Variants in RRBP1 observed in about 807,000 individuals in gnomAD.
RRBP1 encodes the protein ribosome-binding protein 1.
In RRBP1, 94 loss-of-function variants were observed where a neutral mutation model predicts 165.2. The ratio of observed to expected loss-of-function variants is 0.57; its 90% CI spans 0.48 to 0.68. The LOEUF (loss-of-function observed/expected upper bound fraction) is 0.68. Ranked by LOEUF, RRBP1 falls within the 30% of genes least tolerant of loss-of-function variation. RRBP1 has a pLI of 0.00. For missense variants in RRBP1, 1,676 were observed against 1,763.0 expected, an observed-to-expected ratio of 0.95 and a Z score of 0.88; for synonymous variants, 680 against 714.5, an observed-to-expected ratio of 0.95 and a Z score of 0.77.
intron 11 of RRBP1, among the ~76,000 whole-genome samples, chr20:17,626,040 A>C (rs994713744): frequency 2.6e-5 from 4 of 152,200 alleles, no homozygotes; most frequent in African/African-American, 9.6e-5. Context: ...ACACACTGAC[A>C]ATCACACCCT....
chr20:17,667,146 C>T (rs1453735369), intron 2 of RRBP1, among the ~76,000 whole-genome samples: 2 of 152,122 alleles, frequency 1.3e-5, no homozygotes, highest in African/African-American at 4.8e-5. Flanking sequence ...ATTCCTTTTC[C>T]CCTATTCTTT....
In RRBP1 at chr20:17,643,805, C is replaced by T. The variant is rs909946569; in HGVS notation, c.1913-678G>A. Among the ~76,000 whole-genome samples the T allele has an allele frequency of 6.6e-6, 1 of 152,194 alleles. No homozygotes were observed. The highest frequency in any genetic ancestry group is 2.4e-5 in the African/African-American group (1 of 41,444). ...AGTCCATGAGTGACTGCCTGGAGGA[C>T]AGGGAGCCATCTGCCAACAAACGTC... On this transcript the variant is annotated intron_variant, in intron 3 of 24. Transcript: ENST00000377813. The surrounding 1 kb of genome is among the most constrained non-coding windows in gnomAD (Gnocchi z 4.3).
chr20:17,670,870 G>A (rs13044391), intron 2 of RRBP1, among the ~76,000 whole-genome samples: 4,594 of 152,158 alleles, frequency 0.03, 97 homozygotes, highest in Non-Finnish European at 0.048. Flanking sequence ...GGTGTCTTAC[G>A]CATTCCGCAA....
chr20:17,621,625 G>A, intron 15 of RRBP1, 65 bp downstream of exon 15: 1 of 1,592,586 alleles, frequency 6.3e-7, no homozygotes, highest in East Asian at 2.2e-5. Flanking sequence ...AATGACTTGG[G>A]GCAGCCCCTC....
At chr20:17,652,219 G>A (rs1262189969) in intron 3 of RRBP1, among the ~76,000 whole-genome samples, 1 of 152,230 alleles carries the variant, frequency 6.6e-6, no homozygotes, top group Non-Finnish European at 1.5e-5. Context: ...TTTCTGCTCT[G>A]ACTGAGATGA....
intron 11 of RRBP1, among the ~76,000 whole-genome samples, chr20:17,626,948 C>T (rs1055365174): frequency 1.3e-5 from 2 of 152,186 alleles, no homozygotes; most frequent in African/African-American, 4.8e-5. Flanking sequence ...AGCCTGGGTT[C>T]GCCATTCTGG....
At chr20:17,661,805 T>G (rs966104335) in intron 2 of RRBP1, among the ~76,000 whole-genome samples, 2 of 152,140 alleles carry the variant, frequency 1.3e-5, no homozygotes, top group African/African-American at 4.8e-5. Context: ...GTGGCTCAGA[T>G]ACTGAGATTC....
chr20:17,616,210 A>C (rs1267229751), intron 21 of RRBP1, among the ~76,000 whole-genome samples: 2 of 152,042 alleles, frequency 1.3e-5, no homozygotes, highest in African/African-American at 4.8e-5. Context: ...GGCCTCTGCA[A>C]CCTCAGGGGC....
At chr20:17,681,268 G>C (rs1456100289) in intron 1 of RRBP1, among the ~76,000 whole-genome samples, 2 of 148,310 alleles carry the variant, frequency 1.3e-5, no homozygotes, top group African/African-American at 4.9e-5. Flanking sequence ...GCTCCGCGCA[G>C]CCCAGCCGGG....
intron 3 of RRBP1, among the ~76,000 whole-genome samples, chr20:17,654,397 T>A (rs907245159): frequency 1.1e-4 from 16 of 152,226 alleles, no homozygotes; most frequent in African/African-American, 3.9e-4. Context: ...CATTAAGGAC[T>A]TACGGGTTTT....
intron 18 of RRBP1, 36 bp downstream of exon 18, chr20:17,620,263 G>A: frequency 1.3e-6 from 2 of 1,528,612 alleles, no homozygotes; most frequent in Non-Finnish European, 1.8e-6. Flanking sequence ...GAGGCTCCCG[G>A]GACAAGAGAA....
At chr20:17,624,144 C>G (rs1362282833) in intron 13 of RRBP1, among the ~76,000 whole-genome samples, 1 of 152,214 alleles carries the variant, frequency 6.6e-6, no homozygotes, top group African/African-American at 2.4e-5. Context: ...AAGGGGGCAC[C>G]CCCATCCCTC....
chr20:17,647,276 G>A (rs1021822902), intron 3 of RRBP1, among the ~76,000 whole-genome samples: 2 of 152,250 alleles, frequency 1.3e-5, no homozygotes, highest in African/African-American at 4.8e-5. Flanking sequence ...GCAGAAGAGT[G>A]ACACAAGGGG....
intron 5 of RRBP1, among the ~76,000 whole-genome samples, chr20:17,640,032 T>C (rs1272603816): frequency 6.6e-6 from 1 of 151,934 alleles, no homozygotes; most frequent in Non-Finnish European, 1.5e-5. Context: ...GAAGACAATG[T>C]AAAATACTCA....
At chr20:17,663,160 G>A (rs751189031) in intron 2 of RRBP1, among the ~76,000 whole-genome samples, 5 of 152,152 alleles carry the variant, frequency 3.3e-5, no homozygotes, top group African/African-American at 9.7e-5. Flanking sequence ...ACCGAGTCGC[G>A]ATTGGCACTG....
At position 17,644,711 on chromosome 20, in the gene RRBP1, A is replaced by G. The variant is rs570484809; in HGVS notation, c.1913-1584T>C. Among the ~76,000 whole-genome samples, 218 of 152,356 alleles carry G rather than the reference A, an allele frequency of 1.4e-3. 1 individual carries two copies. The highest frequency in any genetic ancestry group is 8.8e-4 in the Non-Finnish European group (60 of 68,022). On this transcript the variant is annotated intron_variant, in intron 3 of 24. Transcript: ENST00000377813. Reference sequence around the variant, plus strand: ...TGCTGGGCACCAGCCATGTGTGGCTACTGGGCACCTGCAACGTGGCTGGCC... The same window carrying G: ...TGCTGGGCACCAGCCATGTGTGGCTGCTGGGCACCTGCAACGTGGCTGGCC...
intron 20 of RRBP1, 140 bp from the exon 21 acceptor site, chr20:17,616,979 G>C: frequency 1.3e-6 from 1 of 749,362 alleles, no homozygotes; most frequent in Non-Finnish European, 2.2e-6. Context: ...TGGTAACTGT[G>C]ACCTATGTCT....
In RRBP1 at chr20:17,621,441, A is replaced by G. The variant is rs748040745; in HGVS notation, c.3414+17T>C. ...AGCCTCCCAGGGATGCCCAGCTGAC[A>G]GGTTCCCAATGCTCACCGTCTCCGC... On this transcript the variant is annotated intron_variant, in intron 16 of 24. Coordinates refer to ENST00000377813, the MANE Select transcript of RRBP1 (RefSeq NM_001365613.2). The G allele has an allele frequency of 1.2e-6, 2 of 1,600,504 alleles. No individual in the cohort carries two copies. The highest frequency in any genetic ancestry group is 1.7e-5 in the Admixed American group (1 of 59,956).
chr20:17,618,479 C>T (rs569613104), intron 20 of RRBP1, 117 bp downstream of exon 20: 2 of 862,634 alleles, frequency 2.3e-6, no homozygotes, highest in South Asian at 2.8e-5. Context: ...ACGGGTGACA[C>T]TGTCCCTTCC....
Sources: gnomAD v4.1 joint callset for allele counts (sites outside exome capture counted in the v4.1 genomes callset) on GRCh38, gnomAD v4.1.1 for gene constraint, Gnocchi (gnomAD v3.1) non-coding constraint, MANE v1.5 for transcripts, NCBI Gene and HGNC (gene_info 2026-07-23, HGNC 2026-07-21) for gene names.